Variants in CTNNA2 observed in about 807,000 individuals in gnomAD.
CTNNA2 encodes catenin alpha 2.
A neutral mutation model predicts 101.0 loss-of-function variants in CTNNA2; 42 were observed. The observed-to-expected ratio is 0.42, with a 90% CI of 0.32 to 0.54. The LOEUF is 0.54. Among genes scored for constraint, CTNNA2 ranks in the 20% least tolerant of loss-of-function variants. The probability of loss-of-function intolerance (pLI) is 0.14; values close to 1 mark genes in which losing one functional copy is unlikely to be tolerated. For missense variants in CTNNA2, 871 were observed against 1,223.1 expected (o/e 0.71, Z 4.29); for synonymous variants, 450 against 456.4 (o/e 0.99, Z 0.18).
At chr2:80,584,835 G>A (rs1330493696) in intron 14 of CTNNA2, among the ~76,000 whole-genome samples, 1 of 152,132 alleles carries the variant, frequency 6.6e-6, no homozygotes, top group Non-Finnish European at 1.5e-5. Context: ...TGTGGCTTGA[G>A]CTAATCATTC....
At chr2:79,993,088 G>GA (rs1170816162) in intron 7 of CTNNA2, among the ~76,000 whole-genome samples, 3 of 149,752 alleles carry the variant, frequency 2.0e-5, no homozygotes, top group African/African-American at 7.3e-5. Context: ...GGAAGAGCAG[G>GA]AAAAAAACGA....
intron 7 of CTNNA2, among the ~76,000 whole-genome samples, chr2:80,076,929 C>A (rs1367866085): frequency 6.6e-6 from 1 of 151,934 alleles, no homozygotes; most frequent in Admixed American, 6.6e-5. Flanking sequence ...ACCTGTAGTC[C>A]CAGCTACTTG....
At chr2:79,425,824 C>T (rs1481855941) in intron 4 of CTNNA2, among the ~76,000 whole-genome samples, 1 of 152,082 alleles carries the variant, frequency 6.6e-6, no homozygotes, top group Non-Finnish European at 1.5e-5. Context: ...ACTAATATTG[C>T]TAAGAAAATA....
At chr2:80,426,313 T>G (rs2149417967) in intron 9 of CTNNA2, among the ~76,000 whole-genome samples, 1 of 152,254 alleles carries the variant, frequency 6.6e-6, no homozygotes, top group African/African-American at 2.4e-5. Flanking sequence ...AAAATATGCA[T>G]CGCCACAATG....
rs549729104 is a variant in CTNNA2, at chr2:79,629,787, T to A, written c.-5-21765T>A. On this transcript the variant is annotated intron_variant, in intron 1 of 18. Coordinates refer to ENST00000402739, the MANE Select transcript of CTNNA2 (RefSeq NM_001282597.3). Reference sequence around the variant, plus strand: ...GTATGGGTATATTAATGACTTTTTTTAATTTTCTGAATTTTGTGATATCTT... The same window carrying A: ...GTATGGGTATATTAATGACTTTTTTAAATTTTCTGAATTTTGTGATATCTT... Among the ~76,000 whole-genome samples the A allele has an allele frequency of 1.5e-4, 23 of 152,270 alleles. 2 individuals are homozygous for A. The highest frequency in any genetic ancestry group is 1.2e-3 in the East Asian group (6 of 5,174).
At chr2:80,202,855 G>A (rs1707290460) in intron 7 of CTNNA2, among the ~76,000 whole-genome samples, 1 of 152,104 alleles carries the variant, frequency 6.6e-6, no homozygotes, top group African/African-American at 2.4e-5. Flanking sequence ...TCACACTCAT[G>A]ATAAAGACAT....
intron 7 of CTNNA2, among the ~76,000 whole-genome samples, chr2:80,349,971 A>G (rs1673132954): frequency 1.3e-5 from 2 of 152,204 alleles, no homozygotes; most frequent in Admixed American, 6.5e-5. Context: ...TACAGTCTAT[A>G]TTTATGAAAG....
At chr2:80,309,869 C>CA (rs200164253) in intron 7 of CTNNA2, among the ~76,000 whole-genome samples, 2,002 of 104,928 alleles carry the variant, frequency 0.019, 10 homozygotes, top group Middle Eastern at 0.037. Context: ...TACCACATCT[C>CA]AAAAAAAAAA....
chr2:79,911,781 T>C (rs1263582966), intron 7 of CTNNA2, among the ~76,000 whole-genome samples: 1 of 152,218 alleles, frequency 6.6e-6, no homozygotes, highest in Non-Finnish European at 1.5e-5. Flanking sequence ...ACCTCCTACT[T>C]GACATTTATG....
intron 3 of CTNNA2, chr2:79,340,063 G>C (rs559511969): frequency 1.3e-5 from 2 of 152,174 alleles, no homozygotes; most frequent in Non-Finnish European, 2.9e-5. Flanking sequence ...TCAACTAAAG[G>C]GTAAGCAAAG....
Position 80,108,228 on chromosome 2 carries a change from G to A in CTNNA2, c.1056+198431G>A, listed in dbSNP as rs1701008215. ...GCAGCCTTGGGTAGCCTAGGCTTTG[G>A]GGCCCTGAGGAAGGTGGTCTCCACT... On this transcript the variant is annotated intron_variant, in intron 7 of 18. Transcript: ENST00000402739. 5.3e-5 allele frequency among the ~76,000 whole-genome samples: 8 copies of A among 152,268 alleles called. No individual in the cohort carries two copies. The South Asian group carries it at 1.5e-3, about 28-fold the overall frequency.
chr2:80,464,766 G>T (rs1684719917), intron 9 of CTNNA2, among the ~76,000 whole-genome samples: 2 of 152,088 alleles, frequency 1.3e-5, no homozygotes. Context: ...GACTTTATAA[G>T]CATTAGTTTA....
At chr2:79,516,557 G>A (rs147792455) in intron 1 of CTNNA2, among the ~76,000 whole-genome samples, 1 of 152,258 alleles carries the variant, frequency 6.6e-6, no homozygotes, top group East Asian at 1.9e-4. Context: ...TGTATTGAAA[G>A]GTAGAGTACA....
chr2:79,244,085 C>T (rs1447499128), intron 2 of CTNNA2, among the ~76,000 whole-genome samples: 1 of 152,122 alleles, frequency 6.6e-6, no homozygotes, highest in African/African-American at 2.4e-5. Context: ...TCTCCCTGCC[C>T]TTCCTTATGT....
intron 7 of CTNNA2, among the ~76,000 whole-genome samples, chr2:79,945,819 G>T (rs1688454752): frequency 6.6e-6 from 1 of 152,148 alleles, no homozygotes; most frequent in African/African-American, 2.4e-5. Context: ...GGGGCACCAA[G>T]AATCCAATGG....
chr2:79,522,909 A>G (rs1173119704), intron 1 of CTNNA2, among the ~76,000 whole-genome samples: 1 of 152,220 alleles, frequency 6.6e-6, no homozygotes, highest in East Asian at 1.9e-4. Flanking sequence ...ATAAATGCCC[A>G]TTGTAGAACA....
intron 9 of CTNNA2, among the ~76,000 whole-genome samples, chr2:80,530,478 A>G (rs1417408892): frequency 2.6e-5 from 4 of 152,210 alleles, no homozygotes; most frequent in Non-Finnish European, 5.9e-5. Flanking sequence ...ACAGACAGGA[A>G]GAAACTAATA....
chr2:79,488,440 A>C (rs899793588), intron 4 of CTNNA2, among the ~76,000 whole-genome samples: 1 of 152,144 alleles, frequency 6.6e-6, no homozygotes, highest in African/African-American at 2.4e-5. Context: ...CTTTGGACAA[A>C]AAGTGTAGAC....
At chr2:79,296,846 G>A (rs1160553789) in intron 2 of CTNNA2, among the ~76,000 whole-genome samples, 2 of 152,050 alleles carry the variant, frequency 1.3e-5, no homozygotes, top group Non-Finnish European at 2.9e-5. Context: ...TGCCAGTAGT[G>A]TTCACCTACC....
Sources: allele counts gnomAD v4.1 joint callset (sites outside exome capture counted in the v4.1 genomes callset), GRCh38; gene constraint gnomAD v4.1.1; transcripts MANE v1.5; gene names NCBI Gene and HGNC (gene_info 2026-07-23, HGNC 2026-07-21).